SRGAP2: variants seen among roughly 807,000 people sequenced by gnomAD.
SRGAP2 encodes SLIT-ROBO Rho GTPase-activating protein 2.
In SRGAP2, 15 loss-of-function variants were observed where a neutral mutation model predicts 57.2. The observed-to-expected ratio is 0.26, with a 90% CI of 0.18 to 0.40. The LOEUF is 0.40. SRGAP2 is among the 10% of genes least tolerant of loss of function. The pLI, the probability that SRGAP2 is intolerant of heterozygous loss-of-function variation, is 1.00. For synonymous variants in SRGAP2, 249 were observed against 248.0 expected, an observed-to-expected ratio of 1.00 and a Z score of -0.04; for missense variants, 520 against 669.6, an observed-to-expected ratio of 0.78 and a Z score of 2.47.
At chr1:206,207,533 T>G (rs1666021678) in intron 2 of SRGAP2, 1 of 151,940 alleles carries the variant, frequency 6.6e-6, no homozygotes, top group Non-Finnish European at 1.5e-5. Flanking sequence ...GGCTTGTTTT[T>G]GTAAACAATA....
chr1:206,257,314 A>G lies in SRGAP2; in HGVS notation c.68-45967A>G, dbSNP rs1237646469. On this transcript the variant is annotated intron_variant, in intron 2 of 22. Coordinates refer to ENST00000573034, the MANE Select transcript of SRGAP2 (RefSeq NM_015326.5). Reference sequence around the variant, plus strand: ...AGCCTGTTAAGTAGCAGGGACTACAATTGTGCACCACTACACACTGCTATT... The same window carrying G: ...AGCCTGTTAAGTAGCAGGGACTACAGTTGTGCACCACTACACACTGCTATT... Among the ~76,000 whole-genome samples, 29 of 84,218 alleles carry G rather than the reference A, an allele frequency of 3.4e-4. 1 individual carries two copies. The highest frequency in any genetic ancestry group is 4.9e-4 in the Admixed American group (4 of 8,210). 55.3% of individuals were successfully genotyped at this position (84,218 alleles called of 152,430 possible).
chr1:206,420,044 C>T (rs373621997), intron 12 of SRGAP2, among the ~76,000 whole-genome samples: 1 of 152,090 alleles, frequency 6.6e-6, no homozygotes, highest in African/African-American at 2.4e-5. Context: ...TGTGAGCTGT[C>T]GGAGAGCAAG....
chr1:206,441,614 C>T (rs1439423763), intron 17 of SRGAP2, among the ~76,000 whole-genome samples: 3 of 152,216 alleles, frequency 2.0e-5, no homozygotes, highest in Non-Finnish European at 4.4e-5. Flanking sequence ...GATGTGTTCT[C>T]TTCAGGTGTC....
chr1:206,401,360 C>T, intron 7 of SRGAP2, 61 bp from the exon 8 acceptor site: 2 of 624,186 alleles, frequency 3.2e-6, no homozygotes, highest in Non-Finnish European at 5.8e-6. Flanking sequence ...GGACCACCTT[C>T]CTTTTCTGCC....
At chr1:206,458,179 A>G (rs1334367033) in intron 21 of SRGAP2, among the ~76,000 whole-genome samples, 1 of 152,230 alleles carries the variant, frequency 6.6e-6, no homozygotes, top group East Asian at 1.9e-4. Flanking sequence ...TCTTTTTGGA[A>G]AAAGAGTCAT....
chr1:206,303,729 T>A (rs2102755825), intron 3 of SRGAP2, among the ~76,000 whole-genome samples: 1 of 152,252 alleles, frequency 6.6e-6, no homozygotes, highest in South Asian at 2.1e-4. Flanking sequence ...GGCATGCTAC[T>A]AAGGGCTTTA....
In SRGAP2 at chr1:206,454,307, T is replaced by C. The variant is rs536712383; in HGVS notation, c.2361-571T>C. ...ACTTCACCACAGGATCAAGAGAAGATGAATTGTGGGGGAGAAGGGGCTTTC... is the reference window on the plus strand; with the variant it reads ...ACTTCACCACAGGATCAAGAGAAGACGAATTGTGGGGGAGAAGGGGCTTTC... On this transcript the variant is annotated intron_variant, in intron 20 of 22. Transcript: ENST00000573034. The surrounding 1 kb of genome is among the most constrained non-coding windows in gnomAD (Gnocchi z 4.3). The C allele has an allele frequency of 7.7e-6, 5 of 652,958 alleles. No individual in the cohort carries two copies. The highest frequency in any genetic ancestry group is 5.1e-5 in the South Asian group (3 of 59,284). The allele number at this position is 652,958 out of a possible 1,614,324, so 40.4% of individuals were successfully genotyped here.
At chr1:206,398,693 T>A (rs1332518126) in intron 7 of SRGAP2, among the ~76,000 whole-genome samples, 1 of 151,726 alleles carries the variant, frequency 6.6e-6, no homozygotes, top group African/African-American at 2.4e-5. Context: ...TAAAGAAGAG[T>A]GAGAAGCTAG....
intron 18 of SRGAP2, among the ~76,000 whole-genome samples, chr1:206,448,582 G>A (rs2480405): frequency 0.065 from 9,844 of 152,230 alleles, 358 homozygotes; most frequent in African/African-American, 0.082. Flanking sequence ...AGAAATGCAC[G>A]TTATTTGGCT....
In SRGAP2 at chr1:206,458,609, G is replaced by C. The variant is rs148653794; in HGVS notation, c.2508-14G>C. On this transcript the variant is annotated splice_polypyrimidine_tract_variant and intron_variant, in intron 21 of 22. Transcript: ENST00000573034. ...GCTCCCTGATCACACTGCCCTTTCT[G>C]TTTGTGATTGAAGGCAAAGGAAGCG... is the stretch of plus-strand genomic sequence containing the variant. 1.1e-4 allele frequency: 82 copies of C among 727,562 alleles called. No homozygotes were observed. Among genetic ancestry groups the C allele is most frequent in the African/African-American group, 8.3e-4 (48 of 57,856 alleles). 45.1% of individuals were successfully genotyped at this position (727,562 alleles called of 1,614,324 possible). A position where few individuals can be genotyped will look rare whatever the true frequency, so the allele number is the denominator to read the frequency against.
intron 22 of SRGAP2, among the ~76,000 whole-genome samples, chr1:206,460,620 G>T (rs1354167325): frequency 1.3e-5 from 2 of 152,092 alleles, no homozygotes; most frequent in Non-Finnish European, 2.9e-5. Flanking sequence ...TTAAAAAAGT[G>T]TTTATTATGT....
chr1:206,314,454 A>G (rs1388398483), intron 3 of SRGAP2, among the ~76,000 whole-genome samples: 3 of 152,212 alleles, frequency 2.0e-5, no homozygotes, highest in Non-Finnish European at 4.4e-5. Context: ...GTTTTTTAAC[A>G]GAAGTTAGGA....
At chr1:206,434,108 G>A (rs1661517571) in intron 14 of SRGAP2, among the ~76,000 whole-genome samples, 1 of 152,188 alleles carries the variant, frequency 6.6e-6, no homozygotes, top group African/African-American at 2.4e-5. Flanking sequence ...AGTCTTGAAA[G>A]AGTCTGTGGC....
Position 206,463,888 on chromosome 1 carries a change from T to A in SRGAP2, c.*2468T>A, listed in dbSNP as rs1664413932. On this transcript the variant is annotated 3_prime_UTR_variant, in exon 23 of 23. Coordinates refer to ENST00000573034, the MANE Select transcript of SRGAP2 (RefSeq NM_015326.5). Reference sequence around the variant, plus strand: ...CAAAAGGAGCTGGCCATCCAGGGCCTAGGGAGACCAGCCTTCCTCAGCTAT... The same window carrying A: ...CAAAAGGAGCTGGCCATCCAGGGCCAAGGGAGACCAGCCTTCCTCAGCTAT... The A allele has an allele frequency of 6.5e-6, 1 of 152,684 alleles. No individual in the cohort carries two copies. Among genetic ancestry groups the A allele is most frequent in the South Asian group, 2.1e-4 (1 of 4,832 alleles). The allele number at this position is 152,684 out of a possible 1,614,324, so 9.5% of individuals were successfully genotyped here.
chr1:206,436,481 G>A (rs1222020651), intron 14 of SRGAP2, among the ~76,000 whole-genome samples: 2 of 151,442 alleles, frequency 1.3e-5, no homozygotes, highest in Admixed American at 1.3e-4. Flanking sequence ...CTCCTGAGTA[G>A]CTGGGACTAC....
intron 14 of SRGAP2, among the ~76,000 whole-genome samples, chr1:206,433,098 T>C (rs1411247504): frequency 1.3e-5 from 2 of 152,222 alleles, no homozygotes; most frequent in Non-Finnish European, 2.9e-5. Flanking sequence ...AGATATTCTT[T>C]TGCATTTCAT....
rs902266861 is a variant in SRGAP2, at chr1:206,455,131, A to G, written c.2507+107A>G. ...TTCCTGTGCTGCACGTAGGGCTCCC[A>G]GCTCCCCCAGCCTAACAGTTTGCAT... On this transcript the variant is annotated intron_variant, in intron 21 of 22. Transcript: ENST00000573034. 6.5e-6 allele frequency: 5 copies of G among 764,538 alleles called. No individual in the cohort carries two copies. The African/African-American group carries it at 8.5e-5, about 13-fold the overall frequency. The allele number at this position is 764,538 out of a possible 1,614,324, so 47.4% of individuals were successfully genotyped here. A position where few individuals can be genotyped will look rare whatever the true frequency, so the allele number is the denominator to read the frequency against.
At chr1:206,303,622 G>T in intron 3 of SRGAP2, 149 bp downstream of exon 3, 1 of 648,672 alleles carries the variant, frequency 1.5e-6, no homozygotes, top group Non-Finnish European at 2.5e-6. Flanking sequence ...TCGTTTTCCA[G>T]ATCAGTCTTA....
intron 3 of SRGAP2, among the ~76,000 whole-genome samples, chr1:206,325,655 T>C (rs1182896995): frequency 7.9e-5 from 12 of 151,426 alleles, no homozygotes; most frequent in African/African-American, 2.9e-4. Flanking sequence ...TACTTTTTTC[T>C]GTTATTCTCT....
Sources: allele counts gnomAD v4.1 joint callset (sites outside exome capture counted in the v4.1 genomes callset), GRCh38; gene constraint gnomAD v4.1.1; non-coding constraint Gnocchi (gnomAD v3.1); transcripts MANE v1.5; gene names NCBI Gene and HGNC (gene_info 2026-07-23, HGNC 2026-07-21).